VPS35L: variants seen among roughly 807,000 people sequenced by gnomAD.
VPS35L encodes the protein VPS35 endosomal protein sorting factor like.
A neutral mutation model predicts 133.0 loss-of-function variants in VPS35L; 83 were observed. The observed-to-expected ratio is 0.62, with a 90% CI of 0.52 to 0.75. The LOEUF is 0.75. Ranked by LOEUF, VPS35L falls within the 30% of genes least tolerant of loss-of-function variation. The pLI, the probability that VPS35L is intolerant of heterozygous loss-of-function variation, is 0.00. For missense variants in VPS35L, 1,083 were observed against 1,206.8 expected (o/e 0.90, Z 1.52); for synonymous variants, 423 against 449.9 (o/e 0.94, Z 0.76).
chr16:19,647,764 G>A lies in VPS35L; in HGVS notation c.1930-20G>A, dbSNP rs769803519. The stretch of plus-strand genomic sequence containing the variant: ...TAAAAATACCACTGTCCCTTTCAGC[G>A]TCTTTCTCCTTGATTCTAGGTTTCC... On this transcript the variant is annotated intron_variant, in intron 23 of 30. Coordinates refer to ENST00000417362, the MANE Select transcript of VPS35L (RefSeq NM_020314.7). 38 of 1,595,422 alleles carry A rather than the reference G, an allele frequency of 2.4e-5. No individual in the cohort carries two copies. The highest frequency in any genetic ancestry group is 1.6e-4 in the East Asian group (7 of 44,778).
chr16:19,566,650 A>C (rs1053708092), intron 2 of VPS35L, among the ~76,000 whole-genome samples: 1 of 152,202 alleles, frequency 6.6e-6, no homozygotes, highest in African/African-American at 2.4e-5. Context: ...CACAAAAAGG[A>C]AAGTGACATT....
chr16:19,616,836 G>A lies in VPS35L; in HGVS notation c.1224+28G>A, dbSNP rs762355047. 6 of 1,613,878 alleles carry A rather than the reference G, an allele frequency of 3.7e-6. No individual in the cohort carries two copies. In the African/African-American group the frequency reaches 4.0e-5, roughly 11 times the overall value. On this transcript the variant is annotated intron_variant, in intron 14 of 30. Coordinates refer to ENST00000417362, the MANE Select transcript of VPS35L (RefSeq NM_020314.7). The stretch of plus-strand genomic sequence containing the variant: ...AACTGCCAGGTGGCTTCAGTGTGAC[G>A]CTCACCTCCTGTATGGTGACAGCCC...
intron 29 of VPS35L, among the ~76,000 whole-genome samples, chr16:19,691,988 C>T (rs1163189500): frequency 6.6e-6 from 1 of 152,016 alleles, no homozygotes; most frequent in African/African-American, 2.4e-5. Flanking sequence ...GATTCTCCTG[C>T]CTCAGCCTCC....
At chr16:19,619,520 C>T (rs374195035) in intron 14 of VPS35L, among the ~76,000 whole-genome samples, 16 of 152,094 alleles carry the variant, frequency 1.1e-4, no homozygotes, top group African/African-American at 3.9e-4. Context: ...CACTGAACGA[C>T]GGAAACATAC....
intron 5 of VPS35L, 80 bp downstream of exon 5, chr16:19,575,202 A>C: frequency 7.7e-7 from 1 of 1,294,354 alleles, no homozygotes; most frequent in Non-Finnish European, 1.1e-6. Flanking sequence ...AAAAAGTTTT[A>C]TGTGATATGA....
At position 19,658,671 on chromosome 16, in the gene VPS35L, C is replaced by T. The variant is rs147298370; in HGVS notation, c.2221+6581C>T. ...GAATTTTAGAGCAGAGAGAATTAAC[C>T]CTTGACTTGAAAGAGGAAAAAAAAA... is the stretch of plus-strand genomic sequence containing the variant. On this transcript the variant is annotated intron_variant, in intron 26 of 30. Coordinates refer to ENST00000417362, the MANE Select transcript of VPS35L (RefSeq NM_020314.7). Among the ~76,000 whole-genome samples, 523 of 147,188 alleles carry T rather than the reference C, an allele frequency of 3.6e-3. 3 individuals carry two copies. Among genetic ancestry groups the T allele is most frequent in the African/African-American group, 0.013 (468 of 37,380 alleles).
chr16:19,645,789 C>G (rs1973927470), intron 23 of VPS35L, among the ~76,000 whole-genome samples: 1 of 152,118 alleles, frequency 6.6e-6, no homozygotes, highest in South Asian at 2.1e-4. Context: ...TCAGGAGGGC[C>G]GAGAGTGGAA....
chr16:19,569,422 A>C lies in VPS35L; in HGVS notation c.118-2A>C. The stretch of plus-strand genomic sequence containing the variant: ...TTTTACCTCCAGAAATTTTCCTCAC[A>C]GGTCACAGAGTCAAAGACAAAGAAA... On this transcript the variant is annotated splice_acceptor_variant, in intron 2 of 30. Coordinates refer to ENST00000417362, the MANE Select transcript of VPS35L (RefSeq NM_020314.7). LOFTEE classifies it high-confidence loss of function. 6.3e-7 allele frequency: 1 copy of C among 1,591,606 alleles called. No individual in the cohort carries two copies. The highest frequency in any genetic ancestry group is 8.6e-7 in the Non-Finnish European group (1 of 1,169,154).
chr16:19,619,961 A>G (rs57767580), intron 14 of VPS35L, among the ~76,000 whole-genome samples: 7,716 of 152,186 alleles, frequency 0.051, 634 homozygotes, highest in African/African-American at 0.17. Context: ...AAAATAGGGG[A>G]TGGTAAAGTT....
At chr16:19,696,746 G>A (rs180958351) in intron 29 of VPS35L, among the ~76,000 whole-genome samples, 3 of 152,168 alleles carry the variant, frequency 2.0e-5, no homozygotes, top group East Asian at 3.9e-4. Context: ...AAACACATGC[G>A]AATTGAGCTT....
intron 28 of VPS35L, among the ~76,000 whole-genome samples, chr16:19,684,261 T>C (rs766896722): frequency 1.4e-4 from 22 of 152,308 alleles, no homozygotes; most frequent in Non-Finnish European, 3.1e-4. Context: ...TGAGCCCAAG[T>C]ATCCTCCTGC....
chr16:19,651,611 C>A (rs9929026), intron 25 of VPS35L, among the ~76,000 whole-genome samples: 2 of 152,204 alleles, frequency 1.3e-5, no homozygotes, highest in East Asian at 3.8e-4. Context: ...CCTTTGTCAC[C>A]TTGCTTCTCT....
rs1212855885 is a variant in VPS35L, at chr16:19,699,875, A to G, written c.2793+227A>G. On this transcript the variant is annotated intron_variant, in intron 30 of 30. Coordinates refer to ENST00000417362, the MANE Select transcript of VPS35L (RefSeq NM_020314.7). This position sits in a 1 kb window ranked among gnomAD's most constrained non-coding sequence, Gnocchi z 4.2. ...CACTTTGGGAGGCTGAGACAGGAGG[A>G]TCGCTTGAGGCTAAGGGTTTGACAC... Among the ~76,000 whole-genome samples the G allele has an allele frequency of 6.6e-6, 1 of 152,194 alleles. No homozygotes were observed. Among genetic ancestry groups the G allele is most frequent in the East Asian group, 1.9e-4 (1 of 5,184 alleles).
intron 26 of VPS35L, among the ~76,000 whole-genome samples, chr16:19,657,994 C>T (rs1401930952): frequency 1.3e-5 from 2 of 152,164 alleles, no homozygotes; most frequent in African/African-American, 4.8e-5. Context: ...CGCCCACGTT[C>T]ACATCTGTCC....
At chr16:19,570,326 G>A (rs1290189683) in intron 3 of VPS35L, among the ~76,000 whole-genome samples, 2 of 152,126 alleles carry the variant, frequency 1.3e-5, no homozygotes, top group African/African-American at 2.4e-5. Flanking sequence ...ACCTCCCAAA[G>A]CACTGGGATT....
At chr16:19,603,822 C>T (rs542450420) in intron 9 of VPS35L, among the ~76,000 whole-genome samples, 3 of 152,318 alleles carry the variant, frequency 2.0e-5, no homozygotes, top group African/African-American at 7.2e-5. Flanking sequence ...ACCTCCGCCT[C>T]CTGGGTTCAA....
chr16:19,692,491 C>T (rs1007774193), intron 29 of VPS35L, among the ~76,000 whole-genome samples: 8 of 152,232 alleles, frequency 5.3e-5, no homozygotes, highest in South Asian at 2.1e-4. Context: ...GATTCTAACC[C>T]GGATTCCCAA....
rs1567388606 is a variant in VPS35L, at chr16:19,570,868, TATATATATATATATATATATA to T, written c.285+1278_285+1298del. Among the ~76,000 whole-genome samples the T allele has an allele frequency of 9.6e-4, 82 of 85,368 alleles. 1 individual carries two copies. The highest frequency in any genetic ancestry group is 1.6e-3 in the Non-Finnish European group (74 of 46,636). The allele number at this position is 85,368 out of a possible 152,430, so 56.0% of individuals were successfully genotyped here. ...ATATATATATATATATATATATATA[TATATATATATATATATATATA>T]TTTTTGAGATGAAGTCTCACACTGT... On this transcript the variant is annotated intron_variant, in intron 3 of 30. Coordinates refer to ENST00000417362, the MANE Select transcript of VPS35L (RefSeq NM_020314.7).
intron 27 of VPS35L, among the ~76,000 whole-genome samples, chr16:19,677,225 C>G (rs1975094963): frequency 6.6e-6 from 1 of 151,936 alleles, no homozygotes; most frequent in Admixed American, 6.6e-5. Context: ...GCCACCGTGC[C>G]TGGCTAATTT....
Sources: allele counts gnomAD v4.1 joint callset (sites outside exome capture counted in the v4.1 genomes callset), GRCh38; gene constraint gnomAD v4.1.1; non-coding constraint Gnocchi (gnomAD v3.1); transcripts MANE v1.5; gene names NCBI Gene and HGNC (gene_info 2026-07-23, HGNC 2026-07-21).